Variants in SHROOM3 observed in about 807,000 individuals in gnomAD.
SHROOM3 encodes the protein protein Shroom3.
SHROOM3 carries 47 observed loss-of-function variants against 138.6 expected under a neutral mutation model. The observed-to-expected ratio is 0.34, with a 90% CI of 0.27 to 0.43. The LOEUF is 0.43. SHROOM3 is among the 20% of genes least tolerant of loss of function. SHROOM3 has a pLI of 1.00. For synonymous variants in SHROOM3, 1,062 were observed against 1,063.3 expected, an observed-to-expected ratio of 1.00 and a Z score of 0.02; for missense variants, 2,491 against 2,596.5, an observed-to-expected ratio of 0.96 and a Z score of 0.88.
intron 1 of SHROOM3, among the ~76,000 whole-genome samples, chr4:76,550,745 T>A (rs768757160): frequency 6.6e-6 from 1 of 152,032 alleles, no homozygotes; most frequent in Non-Finnish European, 1.5e-5. Flanking sequence ...TCATCTGTAA[T>A]CCCAGAACTT....
At chr4:76,437,475 T>C (rs749186400) in intron 1 of SHROOM3, among the ~76,000 whole-genome samples, 3 of 152,200 alleles carry the variant, frequency 2.0e-5, no homozygotes, top group Non-Finnish European at 4.4e-5. Context: ...TGATGTTGGC[T>C]TTGTCTTCAT....
Position 76,779,197 on chromosome 4 carries a change from C to T in SHROOM3, c.*20C>T, listed in dbSNP as rs1178486414. On this transcript the variant is annotated 3_prime_UTR_variant, in exon 11 of 11. Coordinates refer to ENST00000296043, the MANE Select transcript of SHROOM3 (RefSeq NM_020859.4). The stretch of plus-strand genomic sequence containing the variant: ...CTTTAACCTCTTCTAAAATACCCAA[C>T]CAAAAGATCACTGTTTCTCTCAACA... 4 of 1,580,538 alleles carry T rather than the reference C, an allele frequency of 2.5e-6. No individual in the cohort carries two copies. The highest frequency in any genetic ancestry group is 3.4e-4 in the Middle Eastern group (2 of 5,880).
intron 1 of SHROOM3, among the ~76,000 whole-genome samples, chr4:76,470,029 A>C (rs1294313142): frequency 6.6e-6 from 1 of 151,724 alleles, no homozygotes; most frequent in Non-Finnish European, 1.5e-5. Flanking sequence ...TTTAAACAAA[A>C]ATTATAGCTA....
At chr4:76,748,887 G>C in intron 5 of SHROOM3, 130 bp from the exon 6 acceptor site, 11 of 704,080 alleles carry the variant, frequency 1.6e-5, no homozygotes, top group Non-Finnish European at 2.9e-5. Flanking sequence ...ATGTAAGAGT[G>C]CCACCACGTG....
chr4:76,607,677 G>A (rs1734650956), intron 2 of SHROOM3, among the ~76,000 whole-genome samples: 1 of 151,988 alleles, frequency 6.6e-6, no homozygotes, highest in Non-Finnish European at 1.5e-5. Context: ...TATGAGGGGT[G>A]CATTTTTTTT....
chr4:76,725,677 T>C (rs1009703471), intron 3 of SHROOM3, among the ~76,000 whole-genome samples: 1 of 152,230 alleles, frequency 6.6e-6, no homozygotes, highest in Non-Finnish European at 1.5e-5. Context: ...ACAGAGGACA[T>C]TGGGTACGAG....
Position 76,740,869 on chromosome 4 carries a change from A to G in SHROOM3, c.2696A>G (p.Glu899Gly). 6.4e-7 allele frequency: 1 copy of G among 1,554,302 alleles called. No homozygotes were observed. The highest frequency in any genetic ancestry group is 8.7e-7 in the Non-Finnish European group (1 of 1,153,486). Residue 899 changes from glutamate (E) to glycine (G), a missense_variant, in exon 5 of 11, where the codon GAG (glutamate) becomes GGG (glycine). This residue lies in a region of SHROOM3 where 1,733 missense variants were observed against 1,661.6 expected (regional missense o/e 1.04). Transcript: ENST00000296043. This position sits in a 1 kb window ranked among gnomAD's most constrained non-coding sequence, Gnocchi z 4.0. ...ACCTTCCAGCTCTCCAGCGAGCCAG[A>G]GAGGGAGCCCGAGTGGCGGGACAGG... The part of the protein sequence containing the change: ...QSTFQLSSEP[E>G]REPEWRDRPG...
intron 2 of SHROOM3, among the ~76,000 whole-genome samples, chr4:76,647,373 A>G (rs1735846221): frequency 6.6e-6 from 1 of 152,204 alleles, no homozygotes; most frequent in Non-Finnish European, 1.5e-5. Context: ...CTATAGTTCA[A>G]AACAATGTAT....
At chr4:76,675,650 G>A (rs936899447) in intron 2 of SHROOM3, among the ~76,000 whole-genome samples, 2 of 152,080 alleles carry the variant, frequency 1.3e-5, no homozygotes, top group African/African-American at 2.4e-5. Context: ...TTGAGGCCAG[G>A]AATTCAAGAC....
At chr4:76,502,207 C>T (rs1420190534) in intron 1 of SHROOM3, among the ~76,000 whole-genome samples, 3 of 152,154 alleles carry the variant, frequency 2.0e-5, no homozygotes, top group Non-Finnish European at 2.9e-5. Flanking sequence ...GCCCCTACAC[C>T]GTGGGCTCCT....
intron 2 of SHROOM3, among the ~76,000 whole-genome samples, chr4:76,557,199 T>TG (rs1209874354): frequency 6.8e-6 from 1 of 147,370 alleles, no homozygotes; most frequent in Non-Finnish European, 1.5e-5. Context: ...AAAGAAAATG[T>TG]GGTGTATATA....
chr4:76,449,109 A>ATCTCTG (rs1730870367), intron 1 of SHROOM3, among the ~76,000 whole-genome samples: 2 of 152,196 alleles, frequency 1.3e-5, no homozygotes, highest in African/African-American at 4.8e-5. Context: ...GAATGAAATC[A>ATCTCTG]AGATTTTCTC....
intron 2 of SHROOM3, among the ~76,000 whole-genome samples, chr4:76,705,798 G>A (rs1286794434): frequency 1.3e-5 from 2 of 152,166 alleles, no homozygotes; most frequent in East Asian, 3.9e-4. Context: ...ACATAAAACA[G>A]CTCCAAGAAA....
rs944129063 is a variant in SHROOM3, at chr4:76,435,595, G to A, written c.-458G>A. On this transcript the variant is annotated 5_prime_UTR_variant, in exon 1 of 11. Transcript: ENST00000296043. The stretch of plus-strand genomic sequence containing the variant: ...AAATTTCACTCCGAGAGGAAGAAAG[G>A]GTTGATAATCAATCAAAAATGAGGT... The A allele has an allele frequency of 6.6e-6, 1 of 152,474 alleles. No homozygotes were observed. The highest frequency in any genetic ancestry group is 2.4e-5 in the African/African-American group (1 of 41,436). 9.4% of individuals were successfully genotyped at this position (152,474 alleles called of 1,614,324 possible).
chr4:76,710,026 C>A, intron 2 of SHROOM3, 130 bp from the exon 3 acceptor site: 2 of 1,190,100 alleles, frequency 1.7e-6, no homozygotes, highest in Non-Finnish European at 1.2e-6. Flanking sequence ...TAGAACCCTG[C>A]ACTTAGCTGT....
chr4:76,727,309 TGG>T (rs1174232064), intron 3 of SHROOM3, among the ~76,000 whole-genome samples: 1 of 152,226 alleles, frequency 6.6e-6, no homozygotes, highest in Non-Finnish European at 1.5e-5. Context: ...CATATATAAC[TGG>T]GTTTAAACCC....
intron 10 of SHROOM3, 77 bp downstream of exon 10, chr4:76,770,975 T>C (rs1722340226): frequency 1.3e-6 from 2 of 1,557,108 alleles, no homozygotes. Context: ...TTAGACGCCA[T>C]CCTTTCTCTC....
intron 1 of SHROOM3, among the ~76,000 whole-genome samples, chr4:76,521,823 A>T (rs1266532863): frequency 6.6e-6 from 1 of 152,204 alleles, no homozygotes; most frequent in East Asian, 1.9e-4. Context: ...GGGAATACAA[A>T]AAAACATAAT....
At chr4:76,579,794 A>G (rs17002091) in intron 2 of SHROOM3, among the ~76,000 whole-genome samples, 24,723 of 152,252 alleles carry the variant, frequency 0.16, 2,120 homozygotes, top group East Asian at 0.26. Flanking sequence ...TATCTTCTTC[A>G]TCTCCAGCCA....
Sources: allele counts gnomAD v4.1 joint callset (sites outside exome capture counted in the v4.1 genomes callset), GRCh38; gene constraint gnomAD v4.1.1; regional missense constraint gnomAD v4.1.1; non-coding constraint Gnocchi (gnomAD v3.1); transcripts MANE v1.5; gene names NCBI Gene and HGNC (gene_info 2026-07-23, HGNC 2026-07-21).